The following WDR17 variants were observed in gnomAD, a reference collection of about 807,000 sequenced individuals.
WDR17 encodes WD repeat domain 17, also known as WD repeat-containing protein 17.
Under a neutral mutation model 161.7 loss-of-function variants are expected in WDR17, and 143 were observed. The ratio of observed to expected loss-of-function variants is 0.88; its 90% CI spans 0.77 to 1.02. The LOEUF (loss-of-function observed/expected upper bound fraction) is 1.02. WDR17 is among the 50% of genes least tolerant of loss of function. The probability of loss-of-function intolerance (pLI) is 0.00; values close to 1 mark genes in which losing one functional copy is unlikely to be tolerated. For synonymous variants in WDR17, 517 were observed against 515.6 expected (o/e 1.00, Z -0.04); for missense variants, 1,469 against 1,520.9 (o/e 0.97, Z 0.57).
At chr4:176,078,340 C>G (rs1433005002) in intron 1 of WDR17, among the ~76,000 whole-genome samples, 1 of 152,072 alleles carries the variant, frequency 6.6e-6, no homozygotes, top group African/African-American at 2.4e-5. Flanking sequence ...ATCACCTGCT[C>G]TAGTTCAGGG....
chr4:176,167,539 G>T (rs1022646401), intron 22 of WDR17, among the ~76,000 whole-genome samples: 1 of 148,672 alleles, frequency 6.7e-6, no homozygotes, highest in South Asian at 2.2e-4. Context: ...CCAGCTACTC[G>T]GGAGGCTGAG....
intron 13 of WDR17, among the ~76,000 whole-genome samples, chr4:176,149,088 C>T (rs1202941362): frequency 6.6e-6 from 1 of 152,104 alleles, no homozygotes; most frequent in African/African-American, 2.4e-5. Context: ...CCCAACTCTT[C>T]ATCTTTTAAC....
intron 23 of WDR17, 132 bp downstream of exon 23, chr4:176,168,915 AAAAG>A: frequency 5.2e-6 from 5 of 956,724 alleles, no homozygotes; most frequent in Non-Finnish European, 7.5e-6. Flanking sequence ...CAAGTACAAC[AAAAG>A]TGTTGTACAA....
Position 176,162,105 on chromosome 4 carries a change from A to G in WDR17, c.2781A>G (p.Ala927=). 1.2e-6 allele frequency: 2 copies of G among 1,613,310 alleles called. No homozygotes were observed. Among genetic ancestry groups the G allele is most frequent in the Non-Finnish European group, 1.7e-6 (2 of 1,179,482 alleles). ...TGCACAAAGTCAGTAAAGAACTGGC[A>G]GAATGGTATTTTCAAGATGGTCGAG... is the stretch of plus-strand genomic sequence containing the variant. ...ELLHKVSKEL[A]EWYFQDGRAV... The change falls in exon 21 of 29, where the codon GCA becomes GCG. Residue 927 remains alanine, a synonymous_variant. Coordinates refer to ENST00000508596, the MANE Select transcript of WDR17 (RefSeq NM_181265.4).
intron 7 of WDR17, 88 bp downstream of exon 7, chr4:176,131,826 A>G: frequency 1.8e-6 from 2 of 1,091,472 alleles, no homozygotes; most frequent in Non-Finnish European, 2.5e-6. Flanking sequence ...ATATTATTTG[A>G]AATTATTTTT....
At position 176,079,450 on chromosome 4, in the gene WDR17, G is replaced by T. The variant is rs550498597; in HGVS notation, c.-7+13371G>T. Among the ~76,000 whole-genome samples, 41 of 152,190 alleles carry T rather than the reference G, an allele frequency of 2.7e-4. 2 individuals are homozygous for T. The Middle Eastern group carries it at 0.01, about 38-fold the overall frequency. On this transcript the variant is annotated intron_variant, in intron 1 of 28. Coordinates refer to ENST00000508596, the MANE Select transcript of WDR17 (RefSeq NM_181265.4). ...ATTAGAATTGGAAAAATAAAACCCA[G>T]TTTTTATTAGCAGTACTGCAAATAG... is the stretch of plus-strand genomic sequence containing the variant.
chr4:176,158,045 A>G (rs1748434085), intron 18 of WDR17, among the ~76,000 whole-genome samples: 4 of 152,230 alleles, frequency 2.6e-5, no homozygotes. Context: ...CAAGCTGGAC[A>G]TTTTAGGGCC....
chr4:176,181,799 AAAT>A lies in WDR17; in HGVS notation c.*2225_*2227del, dbSNP rs1399232538. ...TTCTGTATTTTTAATGAATGCAGGA[AAAT>A]AATATTTTTATGTATAAAAGATGAA... On this transcript the variant is annotated 3_prime_UTR_variant, in exon 29 of 29. Coordinates refer to ENST00000508596, the MANE Select transcript of WDR17 (RefSeq NM_181265.4). 1.3e-5 allele frequency: 2 copies of A among 152,296 alleles called. No homozygotes were observed. The highest frequency in any genetic ancestry group is 1.9e-4 in the East Asian group (1 of 5,190). 9.4% of individuals were successfully genotyped at this position (152,296 alleles called of 1,614,324 possible).
At chr4:176,070,816 CTGTTTTTGTTTT>C (rs1023772875) in intron 1 of WDR17, among the ~76,000 whole-genome samples, 97 of 152,250 alleles carry the variant, frequency 6.4e-4, no homozygotes, top group African/African-American at 2.1e-3. Context: ...GTGACTGGCC[CTGTTTTTGTTTT>C]TGTTTTTGTT....
chr4:176,090,256 T>TAAA (rs202133700), intron 1 of WDR17, among the ~76,000 whole-genome samples: 4 of 132,468 alleles, frequency 3.0e-5, no homozygotes, highest in African/African-American at 1.1e-4. Context: ...CTGGTTGTTT[T>TAAA]AAAAAAAAAA....
chr4:176,163,378 C>A, intron 22 of WDR17, 85 bp downstream of exon 22: 1 of 1,410,206 alleles, frequency 7.1e-7, no homozygotes, highest in Non-Finnish European at 9.6e-7. Flanking sequence ...ATAAGATATG[C>A]ATTGGGAGAA....
At chr4:176,111,849 GT>G in intron 2 of WDR17, 146 bp downstream of exon 2, 1 of 790,444 alleles carries the variant, frequency 1.3e-6, no homozygotes, top group Non-Finnish European at 1.7e-6. Flanking sequence ...GATTTATACC[GT>G]ATAGGTTTTA....
intron 9 of WDR17, among the ~76,000 whole-genome samples, chr4:176,138,907 C>T (rs999761224): frequency 4.0e-5 from 6 of 151,798 alleles, no homozygotes; most frequent in African/African-American, 1.2e-4. Flanking sequence ...AACTAAGCTA[C>T]GTGTGTTCCA....
At chr4:176,137,292 A>G (rs960677766) in intron 8 of WDR17, among the ~76,000 whole-genome samples, 6 of 151,634 alleles carry the variant, frequency 4.0e-5, no homozygotes, top group African/African-American at 1.4e-4. Flanking sequence ...AGCAGATGCT[A>G]TAGACAGAAC....
chr4:176,146,050 A>C lies in WDR17; in HGVS notation c.1585A>C (p.Thr529Pro). Residue 529 changes from threonine to proline, a missense_variant, in exon 12 of 29, where the codon ACC (threonine) becomes CCC (proline). Thr to Pro is a conservative substitution (Grantham distance 38). Transcript: ENST00000508596. Reference protein sequence around the residue: ...DTNVRVYYVATSSDQPLKVFS... With the variant: ...DTNVRVYYVAPSSDQPLKVFS... The stretch of plus-strand genomic sequence containing the variant: ...AAATGTTCGTGTTTATTATGTAGCC[A>C]CCAGCTCAGATCAACCATTGAAAGT... 1 of 1,614,064 alleles carries C rather than the reference A, an allele frequency of 6.2e-7. No individual in the cohort carries two copies.
chr4:176,070,077 A>G (rs942242873), intron 1 of WDR17, among the ~76,000 whole-genome samples: 5 of 152,186 alleles, frequency 3.3e-5, no homozygotes, highest in African/African-American at 1.2e-4. Flanking sequence ...CACTAAACAC[A>G]TAAAAATTAT....
intron 2 of WDR17, among the ~76,000 whole-genome samples, chr4:176,115,396 G>C (rs1410291800): frequency 2.0e-5 from 3 of 151,854 alleles, no homozygotes; most frequent in African/African-American, 7.2e-5. Flanking sequence ...TGAGCAGTTG[G>C]TGTATTTAAC....
rs1751613326 is a variant in WDR17 at position 176,177,494 on chromosome 4, C to T, written c.3572C>T (p.Thr1191Ile). 6.3e-7 allele frequency: 1 copy of T among 1,575,882 alleles called. No homozygotes were observed. Among genetic ancestry groups the T allele is most frequent in the Non-Finnish European group, 8.6e-7 (1 of 1,169,264 alleles). The change falls in exon 28 of 29, where the codon ACA (threonine) becomes ATA (isoleucine). Residue 1191 changes from threonine (T) to isoleucine (I), a missense_variant. By Grantham distance (89) the Thr-to-Ile change is moderately conservative. Transcript: ENST00000508596. ...TNRSLEDSPY[T>I]PPSDSQRMIY... ...AGATCATTAGAAGACTCTCCGTATA[C>T]ACCCCCTTCTGATTCACAAAGAATG...
intron 19 of WDR17, among the ~76,000 whole-genome samples, chr4:176,160,371 G>C (rs1367389941): frequency 6.6e-6 from 1 of 151,802 alleles, no homozygotes; most frequent in African/African-American, 2.4e-5. Flanking sequence ...ACCCAGGCTG[G>C]AGTGCAATGG....
Sources: gnomAD v4.1 joint callset for allele counts (sites outside exome capture counted in the v4.1 genomes callset) on GRCh38, gnomAD v4.1.1 for gene constraint, MANE v1.5 for transcripts, NCBI Gene and HGNC (gene_info 2026-07-23, HGNC 2026-07-21) for gene names.